Variants in GRAMD4 observed in about 807,000 individuals in gnomAD.
GRAMD4 encodes GRAM domain containing 4.
In GRAMD4, 25 loss-of-function variants were observed where a neutral mutation model predicts 83.9. The ratio of observed to expected loss-of-function variants is 0.30; its 90% CI spans 0.22 to 0.42. The LOEUF is 0.42. Ranked by LOEUF, GRAMD4 falls within the 10% of genes least tolerant of loss-of-function variation. The pLI is 1.00. For synonymous variants in GRAMD4, 336 were observed against 320.9 expected (o/e 1.05, Z -0.50); for missense variants, 593 against 788.7 (o/e 0.75, Z 2.97).
At chr22:46,584,574 C>T (rs1045095362) in intron 1 of GRAMD4, among the ~76,000 whole-genome samples, 4 of 152,134 alleles carry the variant, frequency 2.6e-5, no homozygotes, top group Non-Finnish European at 5.9e-5. Flanking sequence ...ACCGGTGTGT[C>T]TGCGTAGTGG....
chr22:46,591,969 G>C (rs932901721), intron 1 of GRAMD4, among the ~76,000 whole-genome samples: 2 of 150,794 alleles, frequency 1.3e-5, no homozygotes, highest in African/African-American at 4.9e-5. Context: ...CCCAGGACTG[G>C]TGTGTCCCCT....
chr22:46,616,855 TGTGTAGGTTCCCCC>T (rs772010672), upstream of GRAMD4, among the ~76,000 whole-genome samples: 350 of 24,212 alleles, frequency 0.014, 67 homozygotes, highest in East Asian at 0.25. Flanking sequence ...CGTTCCCCTG[TGTGTAGGTTCCCCC>T]GTGTGTAGGT....
chr22:46,681,850 C>T (rs902909074), downstream of GRAMD4, among the ~76,000 whole-genome samples: 4 of 152,136 alleles, frequency 2.6e-5, no homozygotes, highest in African/African-American at 9.7e-5. Flanking sequence ...GCTGGGAACC[C>T]AGGGTTGTGG....
intron 3 of GRAMD4, among the ~76,000 whole-genome samples, chr22:46,654,449 G>T (rs1213084738): frequency 1.3e-5 from 2 of 152,222 alleles, no homozygotes; most frequent in Non-Finnish European, 2.9e-5. Context: ...CCCGGCGTGT[G>T]ATGATTACCT....
At position 46,663,071 on chromosome 22, in the gene GRAMD4, G is replaced by A. The variant is rs750147070; in HGVS notation, c.498G>A (p.Leu166=). ...ERRSQGLSSR[L]QKWFYERFGE... ...GGAGCCAGGGGCTGTCCTCGCGCCTGCAGAAGTGGTTCTACGAGCGGTTTG... is the reference window on the plus strand; with the variant it reads ...GGAGCCAGGGGCTGTCCTCGCGCCTACAGAAGTGGTTCTACGAGCGGTTTG... Residue 166 remains leucine (L), a synonymous_variant, in exon 6 of 19, where the codon CTG becomes CTA. Coordinates refer to ENST00000406902, the MANE Select transcript of GRAMD4 (RefSeq NM_015124.5). 1 of 1,612,184 alleles carries A rather than the reference G, an allele frequency of 6.2e-7. No individual in the cohort carries two copies. The highest frequency in any genetic ancestry group is 8.5e-7 in the Non-Finnish European group (1 of 1,179,490).
chr22:46,596,406 T>C (rs1168864005), intron 1 of GRAMD4, among the ~76,000 whole-genome samples: 2 of 152,250 alleles, frequency 1.3e-5, no homozygotes, highest in African/African-American at 4.8e-5. Flanking sequence ...GAAGTCTTTG[T>C]CACCATCCCT....
At chr22:46,612,742 G>C (rs1436707416) in intron 1 of GRAMD4, among the ~76,000 whole-genome samples, 3 of 152,258 alleles carry the variant, frequency 2.0e-5, no homozygotes, top group Admixed American at 2.0e-4. Flanking sequence ...GCTGGATCAC[G>C]GATGGGAGCA....
intron 3 of GRAMD4, among the ~76,000 whole-genome samples, chr22:46,643,204 T>TCCATCCATCCATCCATCCATCC (rs2082012861): frequency 3.5e-4 from 1 of 2,824 alleles, no homozygotes; most frequent in Non-Finnish European, 8.6e-4. Context: ...TCCATCCATC[T>TCCATCCATCCATCCATCCATCC]ATCCATCCAT....
rs533872108 is a variant in GRAMD4 at position 46,624,484 on chromosome 22, A to G, written c.-49-2267A>G. Among the ~76,000 whole-genome samples the G allele has an allele frequency of 2.0e-5, 3 of 151,868 alleles. No homozygotes were observed. The South Asian group carries it at 6.2e-4, about 32-fold the overall frequency. On this transcript the variant is annotated intron_variant, in intron 1 of 18. Coordinates refer to ENST00000406902, the MANE Select transcript of GRAMD4 (RefSeq NM_015124.5). ...GCTGGGACTACAGGTGCCCGCCACC[A>G]CACCCAGCTAATTTTTGTATTTTTA...
chr22:46,627,439 GA>G (rs2081683695), intron 2 of GRAMD4, among the ~76,000 whole-genome samples: 7 of 152,266 alleles, frequency 4.6e-5, no homozygotes. Context: ...CAGCTGGGGG[GA>G]CAGCAAATAC....
chr22:46,650,184 T>C (rs1405644338), intron 3 of GRAMD4, among the ~76,000 whole-genome samples: 1 of 152,194 alleles, frequency 6.6e-6, no homozygotes, highest in Non-Finnish European at 1.5e-5. Context: ...TATTTTTGGG[T>C]GAGGCTGGGC....
In GRAMD4 at chr22:46,655,052, A is replaced by G. The variant is rs528617001; in HGVS notation, c.284-3135A>G. ...TGGGGAAGTCACTCGGGGAAGTGGT[A>G]TTGGGGTCAGGACTGAGGCTGAGGG... On this transcript the variant is annotated intron_variant, in intron 3 of 18. Coordinates refer to ENST00000406902, the MANE Select transcript of GRAMD4 (RefSeq NM_015124.5). 3.9e-5 allele frequency among the ~76,000 whole-genome samples: 6 copies of G among 152,254 alleles called. No homozygotes were observed. In the South Asian group the frequency reaches 1.0e-3, roughly 26 times the overall value.
intron 18 of GRAMD4, among the ~76,000 whole-genome samples, 171 bp from the exon 19 acceptor site, chr22:46,676,976 C>T (rs964185103): frequency 6.6e-5 from 10 of 152,236 alleles, no homozygotes; most frequent in African/African-American, 2.4e-4. Context: ...TGGCTCTGTT[C>T]CCCTGAAGGC....
chr22:46,648,807 G>GATGGATGC (rs2082116429), intron 3 of GRAMD4, among the ~76,000 whole-genome samples: 1 of 77,034 alleles, frequency 1.3e-5, no homozygotes, highest in African/African-American at 5.0e-5. Flanking sequence ...TGGATGCATG[G>GATGGATGC]ATGGATGGAT....
chr22:46,633,968 G>C (rs1030449140), intron 2 of GRAMD4, among the ~76,000 whole-genome samples: 1 of 152,206 alleles, frequency 6.6e-6, no homozygotes, highest in Non-Finnish European at 1.5e-5. Context: ...CGTGGACCAC[G>C]TTACTCCTGG....
At chr22:46,615,046 T>C (rs1192244328) in intron 1 of GRAMD4, among the ~76,000 whole-genome samples, 2 of 50,252 alleles carry the variant, frequency 4.0e-5, no homozygotes, top group Non-Finnish European at 8.8e-5. Flanking sequence ...TAGGTTCCCC[T>C]GTGCGTGTAG....
rs758478966 is a variant in GRAMD4 at position 46,665,675 on chromosome 22, C to T, written c.778C>T (p.Leu260=). ...CCCATTGTTCTTATTTCTAGCAATTCTGAGGTTATCCCTCAATTACCTCAT... is the reference window on the plus strand; with the variant it reads ...CCCATTGTTCTTATTTCTAGCAATTTTGAGGTTATCCCTCAATTACCTCAT... ...AIPLFLFLAI[L]RLSLNYLIAR... The change falls in exon 9 of 19, where the codon CTG becomes TTG. Residue 260 remains leucine, a synonymous_variant. Transcript: ENST00000406902. 4 of 1,602,788 alleles carry T rather than the reference C, an allele frequency of 2.5e-6. No homozygotes were observed. Among genetic ancestry groups the T allele is most frequent in the Non-Finnish European group, 3.4e-6 (4 of 1,170,132 alleles).
intron 10 of GRAMD4, 54 bp downstream of exon 10, chr22:46,666,927 C>T: frequency 1.5e-6 from 2 of 1,319,710 alleles, no homozygotes; most frequent in African/African-American, 1.5e-5. Context: ...CACGTCAGGC[C>T]TCACAGCCTG....
chr22:46,583,575 G>A (rs888932809), intron 1 of GRAMD4, among the ~76,000 whole-genome samples: 4 of 152,208 alleles, frequency 2.6e-5, no homozygotes, highest in African/African-American at 9.6e-5. Flanking sequence ...GAAATAGTAG[G>A]TGTATTGTGG....
Sources: allele counts gnomAD v4.1 joint callset (sites outside exome capture counted in the v4.1 genomes callset), GRCh38; gene constraint gnomAD v4.1.1; transcripts MANE v1.5; gene names NCBI Gene and HGNC (gene_info 2026-07-23, HGNC 2026-07-21).